The following IFRD1 variants were observed in gnomAD, a reference collection of about 807,000 sequenced individuals.
IFRD1 encodes interferon-related developmental regulator 1.
Under a neutral mutation model 52.9 loss-of-function variants are expected in IFRD1, and 35 were observed. The ratio of observed to expected loss-of-function variants is 0.66; its 90% CI spans 0.51 to 0.88. IFRD1 has a LOEUF of 0.88. Among genes scored for constraint, IFRD1 ranks in the 40% least tolerant of loss-of-function variants. The probability of loss-of-function intolerance (pLI) is 0.00; values close to 1 mark genes in which losing one functional copy is unlikely to be tolerated. For synonymous variants in IFRD1, 184 were observed against 188.4 expected (o/e 0.98, Z 0.19); for missense variants, 517 against 550.8 (o/e 0.94, Z 0.61).
At chr7:112,459,042 A>G (rs776072808) in intron 5 of IFRD1, 24 bp downstream of exon 5, 12 of 1,593,142 alleles carry the variant, frequency 7.5e-6, no homozygotes, top group Non-Finnish European at 1.0e-5. Flanking sequence ...ATTTACATTT[A>G]TAGATCTGTC....
Position 112,462,367 on chromosome 7 carries a change from G to A in IFRD1, c.895G>A (p.Gly299Arg), listed in dbSNP as rs1320584376. 6.2e-7 allele frequency: 1 copy of A among 1,606,916 alleles called. No homozygotes were observed. Among genetic ancestry groups the A allele is most frequent in the Middle Eastern group, 1.7e-4 (1 of 6,046 alleles). The change falls in exon 8 of 12, where the codon GGA becomes AGA. Residue 299 changes from glycine to arginine, a missense_variant. By Grantham distance (125) the Gly-to-Arg change is moderately radical. Transcript: ENST00000403825. ...GGCACTTCTCTTTGAATTGGCCAGA[G>A]GAATAGAGAGTGTAAGTATCTAACT... ...SLALLFELAR[G>R]IESDFFYEDM...
At chr7:112,440,679 T>C (rs921929840) in intron 1 of IFRD1, among the ~76,000 whole-genome samples, 3 of 152,178 alleles carry the variant, frequency 2.0e-5, no homozygotes, top group Non-Finnish European at 4.4e-5. Flanking sequence ...GTGTAAAAGA[T>C]AGGCTTTTAA....
intron 1 of IFRD1, among the ~76,000 whole-genome samples, chr7:112,440,910 C>T (rs894798431): frequency 3.9e-5 from 6 of 152,088 alleles, no homozygotes; most frequent in African/African-American, 1.2e-4. Flanking sequence ...CCAAGGTGGG[C>T]GGACTGTGTG....
chr7:112,427,576 T>C (rs542615525), intron 1 of IFRD1, among the ~76,000 whole-genome samples: 2 of 152,348 alleles, frequency 1.3e-5, no homozygotes, highest in African/African-American at 2.4e-5. Context: ...TGTAGAAACG[T>C]AACTTGATGA....
At chr7:112,466,398 G>A (rs867923121) in intron 8 of IFRD1, among the ~76,000 whole-genome samples, 1 of 152,030 alleles carries the variant, frequency 6.6e-6, no homozygotes, top group Non-Finnish European at 1.5e-5. Context: ...TTATATTACC[G>A]TGAAGTTTTT....
rs554099375 is a variant in IFRD1 at position 112,452,860 on chromosome 7, A to G, written c.94+2078A>G. Among the ~76,000 whole-genome samples, 31 of 152,344 alleles carry G rather than the reference A, an allele frequency of 2.0e-4. No individual in the cohort carries two copies. The East Asian group carries it at 3.1e-3, about 15-fold the overall frequency. On this transcript the variant is annotated intron_variant, in intron 1 of 11. Transcript: ENST00000403825. ...AATAATTCTTTGATTAATTTATAAC[A>G]CAATACATGCTTTGAATATCTTTGG... is the stretch of plus-strand genomic sequence containing the variant.
upstream of IFRD1, chr7:112,446,229 G>A: frequency 1.0e-5 from 2 of 199,096 alleles, no homozygotes; most frequent in Non-Finnish European, 1.1e-5. Flanking sequence ...CAAAGTGGCT[G>A]GCCATAAACG....
intron 8 of IFRD1, 112 bp from the exon 9 acceptor site, chr7:112,467,869 T>C: frequency 2.0e-6 from 2 of 1,006,114 alleles, no homozygotes; most frequent in Non-Finnish European, 1.5e-6. Flanking sequence ...AAGATTTACA[T>C]TGCCTTATGC....
chr7:112,443,772 G>C (rs1047874194), intron 1 of IFRD1, among the ~76,000 whole-genome samples: 2 of 150,908 alleles, frequency 1.3e-5, no homozygotes, highest in Non-Finnish European at 1.5e-5. Context: ...TTTGGCAGGA[G>C]AATTGCTTGA....
chr7:112,448,994 G>A (rs777226213), upstream of IFRD1, among the ~76,000 whole-genome samples: 1 of 152,252 alleles, frequency 6.6e-6, no homozygotes, highest in Admixed American at 6.5e-5. Context: ...TGAAAGATGA[G>A]GCTGGAAAGG....
In IFRD1 at chr7:112,458,851, G is replaced by T; in HGVS notation, c.410-10G>T. On this transcript the variant is annotated splice_polypyrimidine_tract_variant and intron_variant, in intron 4 of 11. Transcript: ENST00000403825. ...AGACTATCGTGATTGCATCTTGGCTGCTTTTATAGGTAAGAGTGATGAGCA... is the reference window on the plus strand; with the variant it reads ...AGACTATCGTGATTGCATCTTGGCTTCTTTTATAGGTAAGAGTGATGAGCA... 6.2e-7 allele frequency: 1 copy of T among 1,613,454 alleles called. No individual in the cohort carries two copies. Among genetic ancestry groups the T allele is most frequent in the Non-Finnish European group, 8.5e-7 (1 of 1,179,464 alleles).
At chr7:112,445,047 A>G (rs1396683814) in intron 1 of IFRD1, among the ~76,000 whole-genome samples, 1 of 150,578 alleles carries the variant, frequency 6.6e-6, no homozygotes, top group Non-Finnish European at 1.5e-5. Context: ...TTGGAATCAG[A>G]TAGGCCTAGG....
intron 1 of IFRD1, among the ~76,000 whole-genome samples, chr7:112,441,925 G>C (rs1052365068): frequency 6.6e-6 from 1 of 152,144 alleles, no homozygotes; most frequent in Non-Finnish European, 1.5e-5. Flanking sequence ...GAAACTAGCG[G>C]CCCTGAAGAG....
At chr7:112,444,752 A>G (rs1193229972) in intron 1 of IFRD1, among the ~76,000 whole-genome samples, 1 of 152,186 alleles carries the variant, frequency 6.6e-6, no homozygotes. Context: ...AATAAAACCC[A>G]TGACTCTGGA....
upstream of IFRD1, among the ~76,000 whole-genome samples, chr7:112,448,724 T>TGC (rs1173358269): frequency 6.6e-6 from 1 of 152,194 alleles, no homozygotes; most frequent in African/African-American, 2.4e-5. Context: ...AGGTAATAAG[T>TGC]GCCATTAGGG....
In IFRD1 at chr7:112,456,822, T is replaced by C. The variant is rs1380355704; in HGVS notation, c.285-92T>C. 4 of 1,185,226 alleles carry C rather than the reference T, an allele frequency of 3.4e-6. No homozygotes were observed. The African/African-American group carries it at 6.1e-5, about 18-fold the overall frequency. The allele number at this position is 1,185,226 out of a possible 1,614,324, so 73.4% of individuals were successfully genotyped here. On this transcript the variant is annotated intron_variant, in intron 3 of 11. Coordinates refer to ENST00000403825, the MANE Select transcript of IFRD1 (RefSeq NM_001550.4). ...GAATTAGATTTAAAAAATCTATACATAGGTAAAGTTTAGAAGGAAATAAGA... is the reference window on the plus strand; with the variant it reads ...GAATTAGATTTAAAAAATCTATACACAGGTAAAGTTTAGAAGGAAATAAGA...
chr7:112,448,415 C>T (rs1360148409), upstream of IFRD1, among the ~76,000 whole-genome samples: 1 of 152,168 alleles, frequency 6.6e-6, no homozygotes, highest in Non-Finnish European at 1.5e-5. Flanking sequence ...TCCAGAGTGG[C>T]AAAACTGTTG....
chr7:112,475,657 G>A lies in IFRD1; in HGVS notation c.*138G>A. ...GTGGTTATATTGCTTATAATTTAAT[G>A]TACAATACTATTGAAACTGGTGAGT... On this transcript the variant is annotated 3_prime_UTR_variant, in exon 12 of 12. Transcript: ENST00000403825. The A allele has an allele frequency of 3.1e-6, 2 of 639,956 alleles. No homozygotes were observed. The highest frequency in any genetic ancestry group is 2.8e-5 in the East Asian group (1 of 36,088). 39.6% of individuals were successfully genotyped at this position (639,956 alleles called of 1,614,324 possible). A position where few individuals can be genotyped will look rare whatever the true frequency, so the allele number is the denominator to read the frequency against.
At position 112,456,895 on chromosome 7, in the gene IFRD1, T is replaced by TA; in HGVS notation, c.285-18dup. On this transcript the variant is annotated intron_variant, in intron 3 of 11. Transcript: ENST00000403825. Reference sequence around the variant, plus strand: ...TACTCCAACTGGATCTTCTTTCTCTTACATTGGGTGTTAAATAGTGCGAAG... The same window carrying TA: ...TACTCCAACTGGATCTTCTTTCTCTTAACATTGGGTGTTAAATAGTGCGAAG... 6.2e-7 allele frequency: 1 copy of TA among 1,612,808 alleles called. No homozygotes were observed. The highest frequency in any genetic ancestry group is 8.5e-7 in the Non-Finnish European group (1 of 1,178,864).
Sources: allele counts gnomAD v4.1 joint callset (sites outside exome capture counted in the v4.1 genomes callset), GRCh38; gene constraint gnomAD v4.1.1; transcripts MANE v1.5; gene names NCBI Gene and HGNC (gene_info 2026-07-23, HGNC 2026-07-21).